Variants in ERGIC1 observed in about 807,000 individuals in gnomAD.
ERGIC1 encodes endoplasmic reticulum-Golgi intermediate compartment protein 1.
In ERGIC1, 19 loss-of-function variants were observed where a neutral mutation model predicts 38.3. The observed-to-expected ratio is 0.50, with a 90% CI of 0.35 to 0.73. The LOEUF (loss-of-function observed/expected upper bound fraction) is 0.73, where lower values mean the gene tolerates loss of function less well. Ranked by LOEUF, ERGIC1 falls within the 30% of genes least tolerant of loss-of-function variation. The probability of loss-of-function intolerance (pLI) is 0.01; values close to 1 mark genes in which losing one functional copy is unlikely to be tolerated. For synonymous variants in ERGIC1, 124 were observed against 157.6 expected (o/e 0.79, Z 1.60); for missense variants, 294 against 389.2 (o/e 0.76, Z 2.06).
At chr5:172,887,636 G>C (rs1417903023) in intron 1 of ERGIC1, among the ~76,000 whole-genome samples, 1 of 152,158 alleles carries the variant, frequency 6.6e-6, no homozygotes, top group Non-Finnish European at 1.5e-5. Flanking sequence ...AATTAAACCT[G>C]TGTCTGTCTG....
Position 172,834,585 on chromosome 5 carries a change from C to CT in ERGIC1, c.20+152_20+153insT. On this transcript the variant is annotated intron_variant, in intron 1 of 9. Coordinates refer to ENST00000393784, the MANE Select transcript of ERGIC1 (RefSeq NM_001031711.3). This position sits in a 1 kb window ranked among gnomAD's most constrained non-coding sequence, Gnocchi z 4.1. ...CCCCTAGGGACCCCAGGCGAGCCCC[C>CT]CCCCTGCCGCACACGAAGCCAGCCA... The CT allele has an allele frequency of 1.4e-6, 1 of 710,618 alleles. No homozygotes were observed. 44.0% of individuals were successfully genotyped at this position (710,618 alleles called of 1,614,324 possible).
chr5:172,894,124 TGATGA>T (rs1762658676), intron 2 of ERGIC1, among the ~76,000 whole-genome samples: 1 of 124,696 alleles, frequency 8.0e-6, no homozygotes, highest in Non-Finnish European at 1.7e-5. Context: ...CTTATGGTGC[TGATGA>T]TACTTTTTTT....
Position 172,935,194 on chromosome 5 carries a change from G to C in ERGIC1, c.649G>C (p.Val217Leu), listed in dbSNP as rs756553012. 1.9e-6 allele frequency: 3 copies of C among 1,613,968 alleles called. No homozygotes were observed. The highest frequency in any genetic ancestry group is 1.7e-5 in the Admixed American group (1 of 60,014). The change falls in exon 9 of 10, where the codon GTC becomes CTC. Residue 217 changes from valine (V) to leucine (L), a missense_variant. This residue lies in a region of ERGIC1 where 109 missense variants were observed against 112.7 expected (regional missense o/e 0.97). Transcript: ENST00000393784. ...CTTATATCCTCTACCCCAGGAATACGTCGCCTACAGCCACACGGGCCGCAT... is the reference window on the plus strand; with the variant it reads ...CTTATATCCTCTACCCCAGGAATACCTCGCCTACAGCCACACGGGCCGCAT... ...YQYTVANKEY[V>L]AYSHTGRIIP...
At chr5:172,946,412 G>A (rs893636498) in intron 9 of ERGIC1, among the ~76,000 whole-genome samples, 5 of 152,118 alleles carry the variant, frequency 3.3e-5, no homozygotes, top group African/African-American at 7.2e-5. Flanking sequence ...CTGAGATCCC[G>A]CCAGCATCTC....
At chr5:172,869,574 T>C (rs1761953459) in intron 1 of ERGIC1, among the ~76,000 whole-genome samples, 1 of 152,214 alleles carries the variant, frequency 6.6e-6, no homozygotes, top group Non-Finnish European at 1.5e-5. Context: ...TTGTCAGGGT[T>C]CAGACTCTCC....
At chr5:172,860,266 T>C (rs1761663315) in intron 1 of ERGIC1, among the ~76,000 whole-genome samples, 2 of 152,334 alleles carry the variant, frequency 1.3e-5, no homozygotes, top group South Asian at 4.1e-4. Context: ...TGGAGAGGTA[T>C]GGCAACCTTG....
chr5:172,865,578 A>C (rs1761836361), intron 1 of ERGIC1, among the ~76,000 whole-genome samples: 1 of 152,130 alleles, frequency 6.6e-6, no homozygotes, highest in Admixed American at 6.5e-5. Context: ...GGTGCACACC[A>C]CTTTCAGTAC....
intron 1 of ERGIC1, among the ~76,000 whole-genome samples, chr5:172,852,344 C>T (rs1471220551): frequency 4.6e-5 from 7 of 152,174 alleles, no homozygotes; most frequent in Admixed American, 4.6e-4. Context: ...TTTCTGCTGG[C>T]TGATGTTAAG....
At chr5:172,895,649 CA>C (rs922064755) in intron 2 of ERGIC1, among the ~76,000 whole-genome samples, 2 of 151,954 alleles carry the variant, frequency 1.3e-5, no homozygotes, top group Non-Finnish European at 2.9e-5. Flanking sequence ...GGAACACAGA[CA>C]AAAGAGTGAC....
In ERGIC1 at chr5:172,834,584, C is replaced by CG. The variant is rs1008285428; in HGVS notation, c.20+151_20+152insG. The CG allele has an allele frequency of 2.2e-5, 16 of 714,598 alleles. No individual in the cohort carries two copies. Among genetic ancestry groups the CG allele is most frequent in the South Asian group, 1.4e-4 (2 of 14,572 alleles). The allele number at this position is 714,598 out of a possible 1,614,324, so 44.3% of individuals were successfully genotyped here. On this transcript the variant is annotated intron_variant, in intron 1 of 9. Coordinates refer to ENST00000393784, the MANE Select transcript of ERGIC1 (RefSeq NM_001031711.3). This position sits in a 1 kb window ranked among gnomAD's most constrained non-coding sequence, Gnocchi z 4.1. Reference sequence around the variant, plus strand: ...GCCCCTAGGGACCCCAGGCGAGCCCCCCCCCTGCCGCACACGAAGCCAGCC... The same window carrying CG: ...GCCCCTAGGGACCCCAGGCGAGCCCCGCCCCCTGCCGCACACGAAGCCAGCC...
chr5:172,858,723 C>T (rs1218808648), intron 1 of ERGIC1, among the ~76,000 whole-genome samples: 1 of 152,212 alleles, frequency 6.6e-6, no homozygotes, highest in African/African-American at 2.4e-5. Flanking sequence ...TCTCGGCTGA[C>T]CTTACCAGCC....
Position 172,914,966 on chromosome 5 carries a change from C to T in ERGIC1, c.375+128C>T, listed in dbSNP as rs62387381. 0.012 allele frequency: 16,635 copies of T among 1,445,584 alleles called. 180 individuals are homozygous for T. Among genetic ancestry groups the T allele is most frequent in the Non-Finnish European group, 0.012 (12,774 of 1,047,272 alleles). The allele number at this position is 1,445,584 out of a possible 1,614,324, so 89.5% of individuals were successfully genotyped here. A position where few individuals can be genotyped will look rare whatever the true frequency, so the allele number is the denominator to read the frequency against. On this transcript the variant is annotated intron_variant, in intron 5 of 9. Coordinates refer to ENST00000393784, the MANE Select transcript of ERGIC1 (RefSeq NM_001031711.3). ...ACACAGCCCCCAGCAAGCGAGGGTTCGTGTCCAGCTGCCTGGCCGTTCCTG... is the reference window on the plus strand; with the variant it reads ...ACACAGCCCCCAGCAAGCGAGGGTTTGTGTCCAGCTGCCTGGCCGTTCCTG...
chr5:172,863,904 A>G (rs1761783546), intron 1 of ERGIC1, among the ~76,000 whole-genome samples: 1 of 152,154 alleles, frequency 6.6e-6, no homozygotes, highest in East Asian at 1.9e-4. Flanking sequence ...AATACATGAA[A>G]ACTCAACATG....
At chr5:172,905,198 T>G (rs1010559988) in intron 3 of ERGIC1, 4 of 243,674 alleles carry the variant, frequency 1.6e-5, no homozygotes, top group Non-Finnish European at 3.5e-5. Context: ...AAAGGTGAGT[T>G]GCTTCAAGGA....
chr5:172,943,585 C>T (rs1245732876), intron 9 of ERGIC1, among the ~76,000 whole-genome samples: 2 of 152,178 alleles, frequency 1.3e-5, no homozygotes, highest in Non-Finnish European at 2.9e-5. Flanking sequence ...ACTTAGGGTA[C>T]AGCAGGCAGC....
intron 1 of ERGIC1, among the ~76,000 whole-genome samples, chr5:172,862,788 T>C (rs1761750133): frequency 6.6e-6 from 1 of 152,232 alleles, no homozygotes; most frequent in African/African-American, 2.4e-5. Context: ...TTAAATGGAC[T>C]CACTTTTTAA....
chr5:172,842,597 G>C (rs1479854224), intron 1 of ERGIC1, among the ~76,000 whole-genome samples: 1 of 152,154 alleles, frequency 6.6e-6, no homozygotes, highest in Non-Finnish European at 1.5e-5. Context: ...TCTTCCTCCT[G>C]TTTTCCATAG....
At chr5:172,949,318 G>C (rs1764184407) in intron 9 of ERGIC1, among the ~76,000 whole-genome samples, 1 of 152,166 alleles carries the variant, frequency 6.6e-6, no homozygotes, top group South Asian at 2.1e-4. Context: ...TCAGCCACTT[G>C]CTGTGGCATT....
chr5:172,860,072 T>C (rs1443573657), intron 1 of ERGIC1, among the ~76,000 whole-genome samples: 3 of 152,270 alleles, frequency 2.0e-5, no homozygotes, highest in Non-Finnish European at 4.4e-5. Flanking sequence ...CATGCTCCTA[T>C]ATGTTTGTTC....
Sources: allele counts gnomAD v4.1 joint callset (sites outside exome capture counted in the v4.1 genomes callset), GRCh38; gene constraint gnomAD v4.1.1; regional missense constraint gnomAD v4.1.1; non-coding constraint Gnocchi (gnomAD v3.1); transcripts MANE v1.5; gene names NCBI Gene and HGNC (gene_info 2026-07-23, HGNC 2026-07-21).